PTPRT: variants seen among roughly 807,000 people sequenced by gnomAD.
PTPRT encodes the protein receptor-type tyrosine-protein phosphatase T.
Under a neutral mutation model 176.8 loss-of-function variants are expected in PTPRT, and 56 were observed. The ratio of observed to expected loss-of-function variants is 0.32; its 90% CI spans 0.26 to 0.40. The LOEUF is 0.40. PTPRT is among the 10% of genes least tolerant of loss of function. The pLI is 1.00. For synonymous variants in PTPRT, 783 were observed against 739.0 expected (o/e 1.06, Z -0.96); for missense variants, 1,540 against 1,908.2 (o/e 0.81, Z 3.60).
At chr20:42,939,061 A>G (rs550560725) in intron 1 of PTPRT, among the ~76,000 whole-genome samples, 21 of 152,324 alleles carry the variant, frequency 1.4e-4, no homozygotes, top group Admixed American at 6.5e-4. Flanking sequence ...CCCCTTAACC[A>G]TCACTGGTTT....
intron 5 of PTPRT, among the ~76,000 whole-genome samples, chr20:42,767,118 G>A (rs1220420149): frequency 1.3e-5 from 2 of 152,298 alleles, no homozygotes; most frequent in African/African-American, 4.8e-5. Context: ...TCTCTGGGGT[G>A]GCAGGTGTGT....
intron 6 of PTPRT, among the ~76,000 whole-genome samples, chr20:42,722,916 T>A (rs2076324576): frequency 6.6e-6 from 1 of 152,164 alleles, no homozygotes; most frequent in Non-Finnish European, 1.5e-5. Context: ...AAGTCTGCAG[T>A]TATCCTGGAA....
At chr20:42,917,317 C>G (rs1426860207) in intron 1 of PTPRT, among the ~76,000 whole-genome samples, 1 of 152,020 alleles carries the variant, frequency 6.6e-6, no homozygotes, top group African/African-American at 2.4e-5. Flanking sequence ...TTCCATTGGT[C>G]TATATCTCTG....
intron 2 of PTPRT, among the ~76,000 whole-genome samples, chr20:42,833,075 G>A (rs1285255853): frequency 6.6e-6 from 1 of 152,000 alleles, no homozygotes; most frequent in South Asian, 2.1e-4. Flanking sequence ...GGACAACACA[G>A]TGAGACCCCG....
intron 1 of PTPRT, among the ~76,000 whole-genome samples, chr20:43,044,343 T>C (rs1986749828): frequency 6.6e-6 from 1 of 152,042 alleles, no homozygotes; most frequent in Non-Finnish European, 1.5e-5. Context: ...GGTGATAGTG[T>C]CCGCCAGGGA....
chr20:42,718,072 C>T (rs1359950662), intron 6 of PTPRT, among the ~76,000 whole-genome samples: 1 of 152,238 alleles, frequency 6.6e-6, no homozygotes, highest in Non-Finnish European at 1.5e-5. Context: ...AAGAACAACT[C>T]TACTCCTAGT....
At chr20:42,494,515 G>A (rs1048024731) in intron 7 of PTPRT, among the ~76,000 whole-genome samples, 1 of 152,118 alleles carries the variant, frequency 6.6e-6, no homozygotes, top group Non-Finnish European at 1.5e-5. Flanking sequence ...TGGGAATAAT[G>A]TGTCATCAAA....
chr20:42,219,738 A>G (rs2055842048), intron 15 of PTPRT, among the ~76,000 whole-genome samples: 1 of 152,234 alleles, frequency 6.6e-6, no homozygotes, highest in South Asian at 2.1e-4. Context: ...AAGATCGCAC[A>G]GCTAGTATAT....
At chr20:42,291,049 G>T (rs183343444) in intron 12 of PTPRT, among the ~76,000 whole-genome samples, 2 of 152,096 alleles carry the variant, frequency 1.3e-5, no homozygotes. Context: ...CCCAACTTGT[G>T]TCTTTATTTT....
intron 1 of PTPRT, among the ~76,000 whole-genome samples, chr20:43,089,909 T>C (rs980194256): frequency 6.6e-6 from 1 of 152,190 alleles, no homozygotes; most frequent in Non-Finnish European, 1.5e-5. Context: ...GAGTGGGGAT[T>C]ATCACCCCAA....
At chr20:42,753,768 A>C (rs990769948) in intron 6 of PTPRT, among the ~76,000 whole-genome samples, 1 of 152,196 alleles carries the variant, frequency 6.6e-6, no homozygotes, top group Admixed American at 6.5e-5. Flanking sequence ...TCTCCGAATA[A>C]AGCAAGGATG....
chr20:42,951,394 T>TG (rs905172703), intron 1 of PTPRT, among the ~76,000 whole-genome samples: 4 of 143,154 alleles, frequency 2.8e-5, no homozygotes, highest in South Asian at 2.4e-4. Context: ...AATAAATAGA[T>TG]GGGGGGGTGG....
At chr20:42,168,700 C>T (rs919914629) in intron 16 of PTPRT, among the ~76,000 whole-genome samples, 25 of 152,286 alleles carry the variant, frequency 1.6e-4, no homozygotes, top group East Asian at 1.4e-3. Context: ...TCCCCTCCAA[C>T]GCTGGAAGTG....
intron 15 of PTPRT, among the ~76,000 whole-genome samples, chr20:42,201,397 T>G (rs1423737377): frequency 6.6e-6 from 1 of 152,178 alleles, no homozygotes; most frequent in East Asian, 1.9e-4. Context: ...TCCAGTTTGA[T>G]AGCATCCTCC....
In PTPRT at chr20:42,883,709, CATA is replaced by C. The variant is rs1555800187; in HGVS notation, c.214+2095_214+2097del. 2.0e-3 allele frequency among the ~76,000 whole-genome samples: 234 copies of C among 118,750 alleles called. 6 individuals carry two copies. In the Middle Eastern group the frequency reaches 0.021, roughly 10 times the overall value. The allele number at this position is 118,750 out of a possible 152,430, so 77.9% of individuals were successfully genotyped here. ...CACACACACACCTCCCATACACCCC[CATA>C]CACACACACCCATACACCCCCATAC... On this transcript the variant is annotated intron_variant, in intron 2 of 30. Transcript: ENST00000373187.
chr20:43,012,193 C>T (rs1331661368), intron 1 of PTPRT, among the ~76,000 whole-genome samples: 1 of 152,164 alleles, frequency 6.6e-6, no homozygotes. Context: ...TTAATTCTGT[C>T]CCTCTAGCGA....
chr20:43,011,034 A>T (rs1017058694), intron 1 of PTPRT, among the ~76,000 whole-genome samples: 1 of 152,184 alleles, frequency 6.6e-6, no homozygotes, highest in African/African-American at 2.4e-5. Flanking sequence ...GAGTTAAGAA[A>T]ACGTGGGCCA....
chr20:42,232,367 T>G (rs2056151163), intron 15 of PTPRT, among the ~76,000 whole-genome samples: 2 of 152,308 alleles, frequency 1.3e-5, no homozygotes, highest in South Asian at 2.1e-4. Flanking sequence ...TTCTCTAACA[T>G]GCATATGAAT....
At chr20:42,391,278 T>A (rs1193180216) in intron 9 of PTPRT, among the ~76,000 whole-genome samples, 1 of 152,166 alleles carries the variant, frequency 6.6e-6, no homozygotes, top group Non-Finnish European at 1.5e-5. Context: ...AGGAGGAGAC[T>A]TTTGTGCTTC....
Sources: allele counts gnomAD v4.1 joint callset (sites outside exome capture counted in the v4.1 genomes callset), GRCh38; gene constraint gnomAD v4.1.1; transcripts MANE v1.5; gene names NCBI Gene and HGNC (gene_info 2026-07-23, HGNC 2026-07-21).